Variants in ETFA observed in about 807,000 individuals in gnomAD.
The protein encoded by ETFA is electron transfer flavoprotein subunit alpha, mitochondrial.
ETFA carries 22 observed loss-of-function variants against 46.2 expected under a neutral mutation model. That is an observed-to-expected ratio of 0.48 (90% CI 0.34 to 0.68). ETFA has a LOEUF of 0.68. Ranked by LOEUF, ETFA falls within the 30% of genes least tolerant of loss-of-function variation. The probability of loss-of-function intolerance (pLI) is 0.01; values close to 1 mark genes in which losing one functional copy is unlikely to be tolerated. For missense variants in ETFA, 345 were observed against 401.1 expected (o/e 0.86, Z 1.19); for synonymous variants, 131 against 139.9 (o/e 0.94, Z 0.45).
intron 9 of ETFA, among the ~76,000 whole-genome samples, chr15:76,258,032 G>T (rs1037089524): frequency 2.5e-5 from 3 of 119,394 alleles, no homozygotes; most frequent in African/African-American, 3.2e-5. Context: ...GGTGGGGGGA[G>T]GGGGGGAGGG....
At chr15:76,256,799 A>G (rs537358354) in intron 9 of ETFA, among the ~76,000 whole-genome samples, 1 of 152,346 alleles carries the variant, frequency 6.6e-6, no homozygotes, top group South Asian at 2.1e-4. Context: ...AGACATTGTA[A>G]CATCATAGCA....
chr15:76,274,275 A>G lies in ETFA; in HGVS notation c.816+137T>C. 4.1e-6 allele frequency: 3 copies of G among 729,964 alleles called. No individual in the cohort carries two copies. In the South Asian group the frequency reaches 4.5e-5, roughly 11 times the overall value. 45.2% of individuals were successfully genotyped at this position (729,964 alleles called of 1,614,324 possible). On this transcript the variant is annotated intron_variant, in intron 9 of 11. Coordinates refer to ENST00000557943, the MANE Select transcript of ETFA (RefSeq NM_000126.4). ...CAAGAACTACACAGACCTTGTGAAA[A>G]TGACATATTCACCATGGTACTGGCT...
intron 9 of ETFA, chr15:76,260,299 G>C: frequency 8.2e-7 from 1 of 1,215,596 alleles, no homozygotes; most frequent in Non-Finnish European, 1.2e-6. Flanking sequence ...GGCTCTCCCC[G>C]GGAAATGACA....
chr15:76,298,789 T>C (rs1226831989), intron 1 of ETFA, among the ~76,000 whole-genome samples: 1 of 151,712 alleles, frequency 6.6e-6, no homozygotes, highest in African/African-American at 2.4e-5. Flanking sequence ...AAAAAAAAAA[T>C]AGCATTGTCA....
intron 9 of ETFA, among the ~76,000 whole-genome samples, chr15:76,240,669 T>G (rs1223891872): frequency 2.6e-5 from 4 of 152,140 alleles, no homozygotes; most frequent in African/African-American, 9.6e-5. Flanking sequence ...CCTTTCAATG[T>G]TTTCTAATTG....
At chr15:76,278,458 C>T (rs576609687) in intron 8 of ETFA, among the ~76,000 whole-genome samples, 26 of 152,328 alleles carry the variant, frequency 1.7e-4, no homozygotes, top group Admixed American at 7.8e-4. Flanking sequence ...ACCACACTCA[C>T]TCAGAAAAAC....
chr15:76,266,658 C>G (rs1270631327), intron 9 of ETFA, among the ~76,000 whole-genome samples: 2 of 152,184 alleles, frequency 1.3e-5, no homozygotes, highest in Admixed American at 1.3e-4. Flanking sequence ...AATCCCAGCA[C>G]TTTGGGAGGC....
chr15:76,265,212 T>A (rs2456076), intron 9 of ETFA, among the ~76,000 whole-genome samples: 1 of 151,948 alleles, frequency 6.6e-6, no homozygotes. Context: ...TACTTGGAAG[T>A]TCTAGTCTAA....
intron 9 of ETFA, among the ~76,000 whole-genome samples, chr15:76,249,842 C>T (rs2039280744): frequency 6.6e-6 from 1 of 152,158 alleles, no homozygotes; most frequent in Non-Finnish European, 1.5e-5. Flanking sequence ...ATCTCAAGAA[C>T]TGCAAAAGTT....
At chr15:76,308,313 G>T (rs1016563121) in intron 1 of ETFA, among the ~76,000 whole-genome samples, 2 of 152,120 alleles carry the variant, frequency 1.3e-5, no homozygotes, top group Non-Finnish European at 2.9e-5. Context: ...TCAATGAATC[G>T]CCTCACAAAT....
At chr15:76,268,594 C>T (rs939424745) in intron 9 of ETFA, among the ~76,000 whole-genome samples, 2 of 152,176 alleles carry the variant, frequency 1.3e-5, no homozygotes, top group Non-Finnish European at 2.9e-5. Flanking sequence ...CCCTTCTACC[C>T]TAAATACAAG....
chr15:76,263,198 G>T (rs2139190), intron 9 of ETFA, among the ~76,000 whole-genome samples: 3 of 151,970 alleles, frequency 2.0e-5, no homozygotes, highest in Non-Finnish European at 4.4e-5. Context: ...CCAGAGCTTG[G>T]GGCCTTTGCA....
At chr15:76,268,898 T>C (rs188236439) in intron 9 of ETFA, among the ~76,000 whole-genome samples, 1 of 152,354 alleles carries the variant, frequency 6.6e-6, no homozygotes, top group East Asian at 1.9e-4. Context: ...GTTATGTTAC[T>C]CTTAAATGCC....
intron 10 of ETFA, among the ~76,000 whole-genome samples, chr15:76,228,577 G>A (rs983768456): frequency 3.3e-5 from 5 of 152,058 alleles, no homozygotes; most frequent in African/African-American, 1.2e-4. Flanking sequence ...TGTGGGGCTG[G>A]TTATTGTTCT....
At chr15:76,308,033 T>C (rs2039954386) in intron 1 of ETFA, among the ~76,000 whole-genome samples, 1 of 152,162 alleles carries the variant, frequency 6.6e-6, no homozygotes, top group South Asian at 2.1e-4. Context: ...AGGAGTCAGA[T>C]TGAATGGGCC....
rs1420945062 is a variant in ETFA, at chr15:76,223,188, C to G, written c.963+2661G>C. Among the ~76,000 whole-genome samples the G allele has an allele frequency of 2.7e-5, 4 of 147,150 alleles. No individual in the cohort carries two copies. The East Asian group carries it at 8.2e-4, about 30-fold the overall frequency. On this transcript the variant is annotated intron_variant, in intron 11 of 11. Coordinates refer to ENST00000557943, the MANE Select transcript of ETFA (RefSeq NM_000126.4). ...TTAACTTCTCTACTTTTGTATTAAT[C>G]AAATACATATATAACTGTACTTCAG...
chr15:76,247,140 G>A (rs370298983), intron 9 of ETFA, among the ~76,000 whole-genome samples: 2 of 152,028 alleles, frequency 1.3e-5, no homozygotes, highest in African/African-American at 2.4e-5. Flanking sequence ...AAGAATTTTC[G>A]CTATCTGAGT....
chr15:76,259,986 C>G, intron 9 of ETFA: 2 of 1,451,430 alleles, frequency 1.4e-6, no homozygotes, highest in Non-Finnish European at 1.9e-6. Context: ...GATGGTCAAA[C>G]TCCTTCATGC....
chr15:76,291,781 T>G (rs2039766312), intron 4 of ETFA, among the ~76,000 whole-genome samples: 1 of 151,848 alleles, frequency 6.6e-6, no homozygotes, highest in Non-Finnish European at 1.5e-5. Flanking sequence ...AGACTAAAAA[T>G]GACACCTTAT....
Sources: allele counts gnomAD v4.1 joint callset (sites outside exome capture counted in the v4.1 genomes callset), GRCh38; gene constraint gnomAD v4.1.1; transcripts MANE v1.5; gene names NCBI Gene and HGNC (gene_info 2026-07-23, HGNC 2026-07-21).